The following SLC6A2 variants were observed in gnomAD, a reference collection of about 807,000 sequenced individuals.
The protein encoded by SLC6A2 is sodium-dependent noradrenaline transporter.
In SLC6A2, 26 loss-of-function variants were observed where a neutral mutation model predicts 71.7. That is an observed-to-expected ratio of 0.36 (90% CI 0.27 to 0.50). The LOEUF (loss-of-function observed/expected upper bound fraction) is 0.50. Among genes scored for constraint, SLC6A2 ranks in the 20% least tolerant of loss-of-function variants. The probability of loss-of-function intolerance (pLI) is 0.96; values close to 1 mark genes in which losing one functional copy is unlikely to be tolerated. For missense variants in SLC6A2, 581 were observed against 803.9 expected, an observed-to-expected ratio of 0.72 and a Z score of 3.35; for synonymous variants, 363 against 337.9, an observed-to-expected ratio of 1.07 and a Z score of -0.82.
rs1179586686 is a variant in SLC6A2 at position 55,703,380 on chromosome 16, T to C, written c.*1034T>C. 2.0e-6 allele frequency: 2 copies of C among 985,322 alleles called. No homozygotes were observed. The highest frequency in any genetic ancestry group is 5.2e-4 in the Middle Eastern group (1 of 1,916). 61.0% of individuals were successfully genotyped at this position (985,322 alleles called of 1,614,324 possible). A position where few individuals can be genotyped will look rare whatever the true frequency, so the allele number is the denominator to read the frequency against. ...CTCCCTCTGGGGATCCCACCTGGAG[T>C]GGACCAGGGGTCTTGAGAAATGGAG... On this transcript the variant is annotated 3_prime_UTR_variant, in exon 15 of 15. Transcript: ENST00000568943.
Position 55,703,760 on chromosome 16 carries a change from A to G in SLC6A2, c.*1414A>G. ...TCCTGTTGCGGGATCTTGGGAAAAA[A>G]TAAAGAAGCCGCTGCATTCGCACGT... On this transcript the variant is annotated 3_prime_UTR_variant, in exon 15 of 15. Coordinates refer to ENST00000568943, the MANE Select transcript of SLC6A2 (RefSeq NM_001172501.3). 3 of 985,396 alleles carry G rather than the reference A, an allele frequency of 3.0e-6. No individual in the cohort carries two copies. Among genetic ancestry groups the G allele is most frequent in the Non-Finnish European group, 3.6e-6 (3 of 829,944 alleles). 61.0% of individuals were successfully genotyped at this position (985,396 alleles called of 1,614,324 possible). A position where few individuals can be genotyped will look rare whatever the true frequency, so the allele number is the denominator to read the frequency against.
intron 3 of SLC6A2, chr16:55,671,571 T>G: frequency 2.1e-6 from 1 of 481,632 alleles, no homozygotes; most frequent in Admixed American, 3.5e-5. Flanking sequence ...TCCCCATCGC[T>G]CGCATGACCG....
At chr16:55,696,370 A>G in intron 9 of SLC6A2, 33 bp downstream of exon 9, 1 of 1,301,598 alleles carries the variant, frequency 7.7e-7, no homozygotes, top group Non-Finnish European at 1.1e-6. Context: ...CCTATCCCCC[A>G]TCCCACTGGG....
chr16:55,667,668 C>G (rs1227818418), intron 2 of SLC6A2, among the ~76,000 whole-genome samples: 2 of 152,230 alleles, frequency 1.3e-5, no homozygotes, highest in Non-Finnish European at 2.9e-5. Context: ...CATGGCCACT[C>G]CAGAGACTTC....
intron 4 of SLC6A2, among the ~76,000 whole-genome samples, chr16:55,684,025 T>C (rs1965365733): frequency 6.6e-6 from 1 of 152,056 alleles, no homozygotes; most frequent in Non-Finnish European, 1.5e-5. Flanking sequence ...AGGCCAGGTG[T>C]GGTGGCTCAC....
At position 55,700,363 on chromosome 16, in the gene SLC6A2, G is replaced by C. The variant is rs1454068103; in HGVS notation, c.1758+57G>C. On this transcript the variant is annotated intron_variant, in intron 13 of 14. Coordinates refer to ENST00000568943, the MANE Select transcript of SLC6A2 (RefSeq NM_001172501.3). ...TGGGAGGGGGCTGAGGGGGAAGACG[G>C]GACGACTCTCATTCCTGTTGGGGTG... 9 of 1,468,962 alleles carry C rather than the reference G, an allele frequency of 6.1e-6. No homozygotes were observed. In the African/African-American group the frequency reaches 1.3e-4, roughly 21 times the overall value. The allele number at this position is 1,468,962 out of a possible 1,614,324, so 91.0% of individuals were successfully genotyped here. A position where few individuals can be genotyped will look rare whatever the true frequency, so the allele number is the denominator to read the frequency against.
rs1229414066 is a variant in SLC6A2, at chr16:55,704,673, G to C, written c.*2327G>C. 6.6e-6 allele frequency: 1 copy of C among 152,524 alleles called. No homozygotes were observed. The highest frequency in any genetic ancestry group is 6.5e-5 in the Admixed American group (1 of 15,304). 9.4% of individuals were successfully genotyped at this position (152,524 alleles called of 1,614,324 possible). ...ACAGTCAGCAAAGCCTTTTGCATTA[G>C]AGCAGGGTCGTGCTTCCGAGAGAGC... On this transcript the variant is annotated 3_prime_UTR_variant, in exon 15 of 15. Transcript: ENST00000568943.
chr16:55,695,330 T>A lies in SLC6A2; in HGVS notation c.1075T>A (p.Phe359Ile). 6.2e-7 allele frequency: 1 copy of A among 1,614,196 alleles called. No individual in the cohort carries two copies. The highest frequency in any genetic ancestry group is 8.5e-7 in the Non-Finnish European group (1 of 1,180,006). The part of the protein sequence containing the change: ...INCITSFVSG[F>I]AIFSILGYMA... ...CTGTATCACCAGCTTCGTCTCTGGG[T>A]TCGCCATCTTCTCCATCCTTGGTTA... The change falls in exon 8 of 15, where the codon TTC (phenylalanine) becomes ATC (isoleucine). Residue 359 changes from phenylalanine to isoleucine, a missense_variant. Physicochemically the swap from Phe to Ile is conservative, Grantham distance 21 (BLOSUM62 0). This residue lies in a region of SLC6A2 where 334 missense variants were observed against 449.0 expected (regional missense o/e 0.74). Transcript: ENST00000568943.
At position 55,699,588 on chromosome 16, in the gene SLC6A2, G is replaced by C. The variant is rs1200047333; in HGVS notation, c.1524G>C (p.Met508Ile). The change falls in exon 12 of 15, where the codon ATG becomes ATC. Residue 508 changes from methionine to isoleucine, a missense_variant. Met to Ile is a conservative substitution (Grantham distance 10). Around this residue, in one of 5 missense-constraint regions of SLC6A2, gnomAD observed 334 missense variants for 449.0 expected, o/e 0.74. Transcript: ENST00000568943. ...VDRFSNDIQQ[M>I]MGFRPGLYWR... ...GGTTCAGCAACGACATCCAGCAGAT[G>C]ATGGGGTTCAGGCCGGGTCTATACT... The C allele has an allele frequency of 6.2e-7, 1 of 1,614,060 alleles. No individual in the cohort carries two copies. The highest frequency in any genetic ancestry group is 8.5e-7 in the Non-Finnish European group (1 of 1,180,032).
intron 7 of SLC6A2, 54 bp downstream of exon 7, chr16:55,694,167 GT>G (rs1453735004): frequency 6.1e-6 from 8 of 1,303,330 alleles, no homozygotes; most frequent in Non-Finnish European, 8.9e-6. Context: ...ATTGACTCTT[GT>G]TGGGTGGCAG....
intron 6 of SLC6A2, 26 bp downstream of exon 6, chr16:55,692,078 T>C (rs754227522): frequency 1.2e-6 from 2 of 1,613,946 alleles, no homozygotes; most frequent in East Asian, 2.2e-5. Context: ...CCACCAAGCC[T>C]TGGGCCAGGC....
At chr16:55,685,357 A>T in intron 5 of SLC6A2, 76 bp downstream of exon 5, 1 of 1,480,824 alleles carries the variant, frequency 6.8e-7, no homozygotes, top group Non-Finnish European at 9.4e-7. Flanking sequence ...AGCAATAATT[A>T]TGTAGCTGGT....
At chr16:55,696,144 G>T in intron 8 of SLC6A2, 81 bp from the exon 9 acceptor site, 2 of 857,038 alleles carry the variant, frequency 2.3e-6, no homozygotes, top group Non-Finnish European at 2.0e-6. Flanking sequence ...CCGAACAATT[G>T]GGCCCCCAGA....
At chr16:55,689,299 A>G (rs1467210385) in intron 5 of SLC6A2, among the ~76,000 whole-genome samples, 5 of 152,238 alleles carry the variant, frequency 3.3e-5, no homozygotes, top group Admixed American at 2.6e-4. Context: ...AGAATCTTCA[A>G]CAAGACTCAG....
At chr16:55,673,022 A>G (rs1444498074) in intron 4 of SLC6A2, among the ~76,000 whole-genome samples, 1 of 152,250 alleles carries the variant, frequency 6.6e-6, no homozygotes, top group Non-Finnish European at 1.5e-5. Flanking sequence ...AACAAGCTGC[A>G]GACCTTACTT....
At position 55,656,999 on chromosome 16, in the gene SLC6A2, T is replaced by C; in HGVS notation, c.274+31T>C. ...CGTGGGGTCGGGCTGGGAATTTGAA[T>C]CTGGGAGGTCCACTGTCTGCAGCGG... On this transcript the variant is annotated intron_variant, in intron 2 of 14. Coordinates refer to ENST00000568943, the MANE Select transcript of SLC6A2 (RefSeq NM_001172501.3). The surrounding 1 kb of genome is among the most constrained non-coding windows in gnomAD (Gnocchi z 4.5). 1 of 1,609,138 alleles carries C rather than the reference T, an allele frequency of 6.2e-7. No individual in the cohort carries two copies. The highest frequency in any genetic ancestry group is 8.5e-7 in the Non-Finnish European group (1 of 1,177,718).
intron 5 of SLC6A2, among the ~76,000 whole-genome samples, chr16:55,686,604 G>T (rs759855734): frequency 6.6e-6 from 1 of 152,148 alleles, no homozygotes; most frequent in Non-Finnish European, 1.5e-5. Flanking sequence ...TTTTGGAAAG[G>T]GGGGGTGCAC....
At chr16:55,668,794 A>G (rs41154) in intron 2 of SLC6A2, among the ~76,000 whole-genome samples, 57,547 of 152,038 alleles carry the variant, frequency 0.38, 11,377 homozygotes, top group South Asian at 0.46. Flanking sequence ...CTGGGTGGGT[A>G]ACTTCCCTGG....
At chr16:55,692,106 G>A in intron 6 of SLC6A2, 54 bp downstream of exon 6, 3 of 1,604,278 alleles carry the variant, frequency 1.9e-6, no homozygotes, top group Non-Finnish European at 2.6e-6. Context: ...AGGGTTTTCA[G>A]GAGAAGGTGA....
Sources: gnomAD v4.1 joint callset for allele counts (sites outside exome capture counted in the v4.1 genomes callset) on GRCh38, gnomAD v4.1.1 for gene constraint, gnomAD v4.1.1 regional missense constraint, Gnocchi (gnomAD v3.1) non-coding constraint, MANE v1.5 for transcripts, NCBI Gene and HGNC (gene_info 2026-07-23, HGNC 2026-07-21) for gene names.